SCAP: variants seen among roughly 807,000 people sequenced by gnomAD.
SCAP encodes the protein SREBF chaperone, also known as sterol regulatory element-binding protein cleavage-activating protein.
SCAP carries 65 observed loss-of-function variants against 123.6 expected under a neutral mutation model. The observed-to-expected ratio is 0.53, with a 90% CI of 0.43 to 0.65. The LOEUF is 0.65. Ranked by LOEUF, SCAP falls within the 30% of genes least tolerant of loss-of-function variation. SCAP has a pLI of 0.00. For missense variants in SCAP, 1,398 were observed against 1,712.5 expected (o/e 0.82, Z 3.24); for synonymous variants, 740 against 726.3 (o/e 1.02, Z -0.30).
Position 47,418,149 on chromosome 3 carries a change from C to T in SCAP, c.2432G>A (p.Arg811His), listed in dbSNP as rs148982972. The change falls in exon 16 of 23, where the codon CGC becomes CAC. Residue 811 changes from arginine to histidine, a missense_variant. This residue lies in a region of SCAP where 828 missense variants were observed against 882.5 expected (regional missense o/e 0.94). Coordinates refer to ENST00000265565, the MANE Select transcript of SCAP (RefSeq NM_012235.4). The part of the protein sequence containing the change: ...WDAQTGDCLT[R>H]IPRPGRQRRD... ...CCGCACCTACCCTGGGCGCGGAATG[C>T]GCGTTAGGCAATCCCCGGTCTGCGC... 51 of 1,564,732 alleles carry T rather than the reference C, an allele frequency of 3.3e-5. No individual in the cohort carries two copies. Among genetic ancestry groups the T allele is most frequent in the South Asian group, 5.9e-5 (5 of 85,246 alleles).
rs960258158 is a variant in SCAP, at chr3:47,414,812, CA to C, written c.3306+14del. 71 of 1,600,604 alleles carry C rather than the reference CA, an allele frequency of 4.4e-5. No homozygotes were observed. The highest frequency in any genetic ancestry group is 6.0e-5 in the Non-Finnish European group (70 of 1,173,664). Reference sequence around the variant, plus strand: ...CCGGGCCACTCCAGCACCCAAGAGACAAGACAATACTCACTCTCAGTGTGTG... The same window carrying C: ...CCGGGCCACTCCAGCACCCAAGAGACAGACAATACTCACTCTCAGTGTGTG... On this transcript the variant is annotated intron_variant, in intron 20 of 22. Transcript: ENST00000265565.
intron 9 of SCAP, chr3:47,422,766 G>T: frequency 2.2e-6 from 1 of 457,216 alleles, no homozygotes; most frequent in Non-Finnish European, 3.9e-6. Flanking sequence ...AGCCTGGAGG[G>T]TGCAGAGGAG....
chr3:47,444,934 G>C (rs1706971322), intron 1 of SCAP, among the ~76,000 whole-genome samples: 1 of 151,192 alleles, frequency 6.6e-6, no homozygotes, highest in Non-Finnish European at 1.5e-5. Context: ...ACCACACCTG[G>C]CTAATTTTTG....
In SCAP at chr3:47,417,846, A is replaced by AGTGAGAGGGGGCACGGGGGAAGGGG; in HGVS notation, c.2448-21_2448-20insCCCCTTCCCCCGTGCCCCCTCTCAC. 9.2e-7 allele frequency: 1 copy of AGTGAGAGGGGGCACGGGGGAAGGGG among 1,082,792 alleles called. No individual in the cohort carries two copies. Among genetic ancestry groups the AGTGAGAGGGGGCACGGGGGAAGGGG allele is most frequent in the Non-Finnish European group, 1.2e-6 (1 of 869,166 alleles). 67.1% of individuals were successfully genotyped at this position (1,082,792 alleles called of 1,614,324 possible). A position where few individuals can be genotyped will look rare whatever the true frequency, so the allele number is the denominator to read the frequency against. On this transcript the variant is annotated intron_variant, in intron 16 of 22. Transcript: ENST00000265565. The stretch of plus-strand genomic sequence containing the variant: ...TGCCTGCTGGGGGCCAGGAGGGCGG[A>AGTGAGAGGGGGCACGGGGGAAGGGG]GTGAGAGGGGGCACGGGGGAGGGGG...
At chr3:47,418,042 C>T (rs1705705274) in intron 16 of SCAP, 92 bp downstream of exon 16, 4 of 879,230 alleles carry the variant, frequency 4.5e-6, no homozygotes, top group East Asian at 2.9e-5. Flanking sequence ...GGGGATACCT[C>T]GGAGGAAGAA....
At chr3:47,415,205 G>A (rs1468010735) in intron 18 of SCAP, 25 bp from the exon 19 acceptor site, 7 of 1,593,000 alleles carry the variant, frequency 4.4e-6, no homozygotes, top group African/African-American at 2.7e-5. Context: ...CAGCTGCCAG[G>A]GGCCTCTCCC....
chr3:47,466,453 AAAAAG>A (rs2108015216), intron 1 of SCAP, among the ~76,000 whole-genome samples: 1 of 152,286 alleles, frequency 6.6e-6, no homozygotes, highest in East Asian at 1.9e-4. Flanking sequence ...CTAACCTGAA[AAAAAG>A]AAAAGAAGAA....
upstream of SCAP, among the ~76,000 whole-genome samples, chr3:47,476,363 A>C (rs564994316): frequency 6.6e-6 from 1 of 152,254 alleles, no homozygotes; most frequent in South Asian, 2.1e-4. Context: ...CAGGAGGCTG[A>C]GGTAGGAGGA....
chr3:47,442,193 C>A (rs1706834817), intron 2 of SCAP, among the ~76,000 whole-genome samples: 1 of 152,178 alleles, frequency 6.6e-6, no homozygotes, highest in African/African-American at 2.4e-5. Context: ...GGGCTCTTTT[C>A]ACAGCTGTCA....
At chr3:47,445,809 T>C (rs1707015438) in intron 1 of SCAP, among the ~76,000 whole-genome samples, 1 of 151,226 alleles carries the variant, frequency 6.6e-6, no homozygotes, top group Non-Finnish European at 1.5e-5. Flanking sequence ...TGACCTTAGA[T>C]GATTTGCCAG....
rs766168592 is a variant in SCAP, at chr3:47,417,594, C to T, written c.2680G>A (p.Glu894Lys). Reference protein sequence around the residue: ...QPRSSQPTQPEPRHRAVCGRS... With the variant: ...QPRSSQPTQPKPRHRAVCGRS... ...CCACAGACCGCCCGGTGCCGGGGCT[C>T]GGGCTGAGTGGGCTGTGAGGACCGA... is the stretch of plus-strand genomic sequence containing the variant. The change falls in exon 17 of 23, where the codon GAG becomes AAG. Residue 894 changes from glutamate (E) to lysine (K), a missense_variant. By Grantham distance (56) the Glu-to-Lys change is moderately conservative. This residue lies in a region of SCAP where 828 missense variants were observed against 882.5 expected (regional missense o/e 0.94). Transcript: ENST00000265565. 24 of 1,598,264 alleles carry T rather than the reference C, an allele frequency of 1.5e-5. No individual in the cohort carries two copies. In the East Asian group the frequency reaches 1.8e-4, roughly 12 times the overall value.
intron 1 of SCAP, chr3:47,443,300 T>TCC (rs1706890329): frequency 2.4e-5 from 5 of 207,610 alleles, no homozygotes; most frequent in East Asian, 9.9e-5. Context: ...TCTCTCTCTC[T>TCC]CTCTCTCTCT....
At chr3:47,440,735 C>T (rs934609770) in intron 2 of SCAP, among the ~76,000 whole-genome samples, 2 of 152,020 alleles carry the variant, frequency 1.3e-5, no homozygotes, top group African/African-American at 4.8e-5. Flanking sequence ...TGGTGCACGC[C>T]TATAGTCCCA....
At chr3:47,442,353 T>TG (rs1300515422) in intron 2 of SCAP, among the ~76,000 whole-genome samples, 1 of 152,182 alleles carries the variant, frequency 6.6e-6, no homozygotes, top group Admixed American at 6.5e-5. Context: ...CAACTGTCCT[T>TG]GGCAAGTGCA....
At position 47,420,103 on chromosome 3, in the gene SCAP, C is replaced by T. The variant is rs1458029212; in HGVS notation, c.1564-399G>A. ...AGGTCCTAGTCCCAGGGGGCCTCAG[C>T]CTTCCTCCCATCTCAGTTCAGCTCC... On this transcript the variant is annotated intron_variant, in intron 12 of 22. Transcript: ENST00000265565. This position sits in a 1 kb window ranked among gnomAD's most constrained non-coding sequence, Gnocchi z 5.0. Among the ~76,000 whole-genome samples the T allele has an allele frequency of 6.6e-6, 1 of 152,190 alleles. No homozygotes were observed. The highest frequency in any genetic ancestry group is 1.5e-5 in the Non-Finnish European group (1 of 68,024).
chr3:47,455,969 C>A (rs929247198), intron 1 of SCAP, among the ~76,000 whole-genome samples: 1 of 152,056 alleles, frequency 6.6e-6, no homozygotes, highest in African/African-American at 2.4e-5. Flanking sequence ...CAGGAATAGA[C>A]CAAAATGTAC....
chr3:47,427,377 A>T (rs1014327883), intron 5 of SCAP, 70 bp downstream of exon 5: 3 of 1,569,034 alleles, frequency 1.9e-6, no homozygotes, highest in Non-Finnish European at 2.6e-6. Flanking sequence ...GATCTGCCTA[A>T]GCACACATCA....
intron 2 of SCAP, among the ~76,000 whole-genome samples, chr3:47,438,523 G>C (rs1263072577): frequency 6.6e-6 from 1 of 152,106 alleles, no homozygotes; most frequent in African/African-American, 2.4e-5. Context: ...TTAAAAAAAA[G>C]TTAATTTAGG....
Position 47,417,127 on chromosome 3 carries a change from G to A in SCAP, c.3051C>T (p.Asp1017=). The A allele has an allele frequency of 6.2e-7, 1 of 1,613,054 alleles. No homozygotes were observed. The highest frequency in any genetic ancestry group is 8.5e-7 in the Non-Finnish European group (1 of 1,179,958). The change falls in exon 18 of 23, where the codon GAC becomes GAT. Residue 1017 remains aspartate (D), a synonymous_variant. Transcript: ENST00000265565. ...CTGAGGCAGGCCACGCTCACCTTTT[G>A]TCCAAGAACACCAGAGCGGTAATGC... is the stretch of plus-strand genomic sequence containing the variant. ...SSGITALVFL[D]KRIVAARLNG...
Sources: gnomAD v4.1 joint callset for allele counts (sites outside exome capture counted in the v4.1 genomes callset) on GRCh38, gnomAD v4.1.1 for gene constraint, gnomAD v4.1.1 regional missense constraint, Gnocchi (gnomAD v3.1) non-coding constraint, MANE v1.5 for transcripts, NCBI Gene and HGNC (gene_info 2026-07-23, HGNC 2026-07-21) for gene names.